Variants in ASTN1 observed in about 807,000 individuals in gnomAD.
The protein encoded by ASTN1 is astrotactin-1.
In ASTN1, 41 loss-of-function variants were observed where a neutral mutation model predicts 140.7. That is an observed-to-expected ratio of 0.29 (90% confidence interval 0.23 to 0.38). The LOEUF (loss-of-function observed/expected upper bound fraction) is 0.38. ASTN1 is among the 10% of genes least tolerant of loss of function. ASTN1 has a pLI of 1.00. For synonymous variants in ASTN1, 640 were observed against 652.2 expected (o/e 0.98, Z 0.29); for missense variants, 1,479 against 1,678.8 (o/e 0.88, Z 2.08).
chr1:177,127,215 T>C (rs1346079411), intron 1 of ASTN1, among the ~76,000 whole-genome samples: 1 of 152,192 alleles, frequency 6.6e-6, no homozygotes, highest in East Asian at 1.9e-4. Context: ...TTTATTTCCA[T>C]TGGCTTACAT....
At chr1:176,904,405 G>A (rs577017078) in intron 16 of ASTN1, among the ~76,000 whole-genome samples, 5 of 152,292 alleles carry the variant, frequency 3.3e-5, no homozygotes, top group African/African-American at 9.6e-5. Flanking sequence ...TCACAGCTCC[G>A]GGATGTGGAG....
intron 2 of ASTN1, among the ~76,000 whole-genome samples, chr1:177,038,690 C>T (rs945739457): frequency 6.6e-6 from 1 of 152,120 alleles, no homozygotes; most frequent in African/African-American, 2.4e-5. Flanking sequence ...CTTACTGATA[C>T]CTACTTTAGC....
At chr1:177,052,660 T>G (rs1261755532) in intron 2 of ASTN1, among the ~76,000 whole-genome samples, 1 of 152,204 alleles carries the variant, frequency 6.6e-6, no homozygotes, top group Non-Finnish European at 1.5e-5. Context: ...CTTTGCAATA[T>G]TTGGTCTTCT....
At chr1:176,885,510 T>G (rs1668998989) in intron 18 of ASTN1, among the ~76,000 whole-genome samples, 1 of 152,184 alleles carries the variant, frequency 6.6e-6, no homozygotes, top group Admixed American at 6.5e-5. Flanking sequence ...TCCTGCTCAC[T>G]CCAGCCTCCC....
intron 1 of ASTN1, among the ~76,000 whole-genome samples, chr1:177,070,094 T>C (rs769863840): frequency 1.3e-5 from 2 of 152,220 alleles, no homozygotes; most frequent in African/African-American, 4.8e-5. Context: ...ATTTCATACA[T>C]TGTAATGAGA....
intron 22 of ASTN1, among the ~76,000 whole-genome samples, 172 bp from the exon 23 acceptor site, chr1:176,864,693 G>C (rs371440390): frequency 7.4e-6 from 1 of 134,516 alleles, no homozygotes; most frequent in South Asian, 2.2e-4. Flanking sequence ...TATCTGTCAA[G>C]CAAATGAATG....
chr1:176,862,017 A>G lies in ASTN1; in HGVS notation c.*2267T>C, dbSNP rs1412303224. 1.0e-6 allele frequency: 1 copy of G among 985,330 alleles called. No individual in the cohort carries two copies. Among genetic ancestry groups the G allele is most frequent in the African/African-American group, 1.7e-5 (1 of 57,234 alleles). The allele number at this position is 985,330 out of a possible 1,614,324, so 61.0% of individuals were successfully genotyped here. A position where few individuals can be genotyped will look rare whatever the true frequency, so the allele number is the denominator to read the frequency against. On this transcript the variant is annotated 3_prime_UTR_variant, in exon 23 of 23. Coordinates refer to ENST00000361833, the MANE Select transcript of ASTN1 (RefSeq NM_004319.3). ...CCTCACCCTCCTTTCACTCAAGCTT[A>G]AAACACCGTGTTCTGCACAGATATG... is the stretch of plus-strand genomic sequence containing the variant.
chr1:177,152,447 A>C (rs1392231202), intron 1 of ASTN1, among the ~76,000 whole-genome samples: 1 of 152,128 alleles, frequency 6.6e-6, no homozygotes, highest in African/African-American at 2.4e-5. Flanking sequence ...ATAAATAAAA[A>C]AGGAAACATT....
intron 16 of ASTN1, among the ~76,000 whole-genome samples, chr1:176,915,292 T>C (rs1363177788): frequency 6.6e-6 from 1 of 152,172 alleles, no homozygotes; most frequent in Non-Finnish European, 1.5e-5. Context: ...GTCCTTACAA[T>C]ATTCTCATTA....
intron 2 of ASTN1, among the ~76,000 whole-genome samples, chr1:177,035,423 AT>A (rs1420549902): frequency 4.6e-5 from 7 of 152,246 alleles, no homozygotes; most frequent in Non-Finnish European, 8.8e-5. Flanking sequence ...AAATACTCAA[AT>A]TTCAAATATT....
intron 2 of ASTN1, among the ~76,000 whole-genome samples, chr1:177,044,372 G>A (rs1308968302): frequency 2.0e-5 from 3 of 152,064 alleles, no homozygotes; most frequent in Non-Finnish European, 4.4e-5. Flanking sequence ...GAGGATGGGG[G>A]TTGTGATTGA....
At chr1:177,077,171 C>T (rs983863448) in intron 1 of ASTN1, among the ~76,000 whole-genome samples, 10 of 151,982 alleles carry the variant, frequency 6.6e-5, no homozygotes, top group African/African-American at 2.2e-4. Flanking sequence ...GTGAAACCAC[C>T]TCGAGGAGGT....
chr1:176,905,200 C>G (rs1218246144), intron 16 of ASTN1, among the ~76,000 whole-genome samples: 1 of 152,142 alleles, frequency 6.6e-6, no homozygotes, highest in Non-Finnish European at 1.5e-5. Flanking sequence ...ATTACTTGCC[C>G]CAGCTCCACA....
chr1:177,047,612 G>T (rs1241936203), intron 2 of ASTN1, among the ~76,000 whole-genome samples: 1 of 152,114 alleles, frequency 6.6e-6, no homozygotes, highest in African/African-American at 2.4e-5. Context: ...GAGTGAAGAG[G>T]ATGGAAACCA....
At chr1:177,057,386 A>T (rs1461410522) in intron 2 of ASTN1, among the ~76,000 whole-genome samples, 2 of 152,188 alleles carry the variant, frequency 1.3e-5, no homozygotes, top group African/African-American at 4.8e-5. Flanking sequence ...TTTACTTCTC[A>T]TTCTCTAATT....
chr1:176,949,316 A>G lies in ASTN1; in HGVS notation c.1923T>C (p.Ser641=). The change falls in exon 12 of 23, where the codon TCT becomes TCC. Residue 641 remains serine, a synonymous_variant. Transcript: ENST00000361833. Reference sequence around the variant, plus strand: ...CCCCGATGTGGCGGTCATAGCAGCCAGAGCTGTCCTTCATGGGACTGAGTC... The same window carrying G: ...CCCCGATGTGGCGGTCATAGCAGCCGGAGCTGTCCTTCATGGGACTGAGTC... ...PSGLSPMKDS[S]GCYDRHIGVD... 1 of 1,614,146 alleles carries G rather than the reference A, an allele frequency of 6.2e-7. No individual in the cohort carries two copies. The highest frequency in any genetic ancestry group is 8.5e-7 in the Non-Finnish European group (1 of 1,180,034).
At chr1:176,906,843 C>CAA (rs35062067) in intron 16 of ASTN1, among the ~76,000 whole-genome samples, 1,364 of 86,416 alleles carry the variant, frequency 0.016, 16 homozygotes, top group African/African-American at 0.052. Context: ...GACTCTCTCT[C>CAA]AAAAAAAAAA....
chr1:177,103,181 A>G (rs1203755539), intron 1 of ASTN1, among the ~76,000 whole-genome samples: 1 of 152,236 alleles, frequency 6.6e-6, no homozygotes. Context: ...TTGGTCTTAT[A>G]CAGACCTCAC....
chr1:176,932,481 C>T (rs1337706703), intron 16 of ASTN1, among the ~76,000 whole-genome samples: 2 of 152,150 alleles, frequency 1.3e-5, no homozygotes, highest in Non-Finnish European at 2.9e-5. Flanking sequence ...AAGAGGAGAA[C>T]ACATAAACCC....
Sources: allele counts gnomAD v4.1 joint callset (sites outside exome capture counted in the v4.1 genomes callset), GRCh38; gene constraint gnomAD v4.1.1; transcripts MANE v1.5; gene names NCBI Gene and HGNC (gene_info 2026-07-23, HGNC 2026-07-21).